Variants in SYT1 observed in about 807,000 individuals in gnomAD.
The protein encoded by SYT1 is synaptotagmin-1.
Under a neutral mutation model 44.8 loss-of-function variants are expected in SYT1, and 8 were observed. That is an observed-to-expected ratio of 0.18 (90% CI 0.10 to 0.32). SYT1 has a LOEUF of 0.32. Among genes scored for constraint, SYT1 ranks in the 10% least tolerant of loss-of-function variants. The probability of loss-of-function intolerance (pLI) is 1.00; values close to 1 mark genes in which losing one functional copy is unlikely to be tolerated. For missense variants in SYT1, 286 were observed against 509.3 expected, an observed-to-expected ratio of 0.56 and a Z score of 4.22; for synonymous variants, 154 against 188.8, an observed-to-expected ratio of 0.82 and a Z score of 1.51.
intron 5 of SYT1, 104 bp downstream of exon 5, chr12:79,286,075 T>C: frequency 7.6e-7 from 1 of 1,311,924 alleles, no homozygotes; most frequent in Non-Finnish European, 1.0e-6. Context: ...TCTGGACCCA[T>C]ATCGTTTTTG....
intron 1 of SYT1, among the ~76,000 whole-genome samples, chr12:78,921,597 G>C (rs528175663): frequency 5.9e-5 from 9 of 151,932 alleles, no homozygotes; most frequent in African/African-American, 2.2e-4. Context: ...TAATGCTCAG[G>C]GTGGATAGAA....
intron 2 of SYT1, among the ~76,000 whole-genome samples, chr12:79,005,586 T>G (rs1871022275): frequency 6.6e-6 from 1 of 152,084 alleles, no homozygotes; most frequent in Non-Finnish European, 1.5e-5. Context: ...GAAGTGATTT[T>G]ATTATTTTTG....
At chr12:79,238,622 G>C (rs975288784) in intron 4 of SYT1, among the ~76,000 whole-genome samples, 2 of 152,204 alleles carry the variant, frequency 1.3e-5, no homozygotes, top group African/African-American at 4.8e-5. Flanking sequence ...TTGGGTATGT[G>C]CTGCGGTAGT....
intron 3 of SYT1, among the ~76,000 whole-genome samples, chr12:79,064,287 C>T (rs1323410262): frequency 6.6e-6 from 1 of 152,006 alleles, no homozygotes; most frequent in Non-Finnish European, 1.5e-5. Context: ...GAAAGCCTGG[C>T]CCAAGATGTG....
chr12:79,438,539 C>A (rs909404754), intron 9 of SYT1, among the ~76,000 whole-genome samples: 2 of 152,244 alleles, frequency 1.3e-5, no homozygotes, highest in Admixed American at 1.3e-4. Flanking sequence ...TGGCACCAGG[C>A]CGCAGGTGTC....
chr12:79,407,492 T>C (rs908310165), intron 9 of SYT1, among the ~76,000 whole-genome samples: 1 of 152,070 alleles, frequency 6.6e-6, no homozygotes, highest in African/African-American at 2.4e-5. Flanking sequence ...AGGCATGAAG[T>C]CAAAGAAAAG....
intron 9 of SYT1, among the ~76,000 whole-genome samples, chr12:79,371,580 G>A (rs931859713): frequency 6.6e-6 from 1 of 152,086 alleles, no homozygotes; most frequent in Non-Finnish European, 1.5e-5. Flanking sequence ...TGTCCAGAAG[G>A]AATTTGTGTT....
At chr12:79,053,351 C>T (rs1415851819) in intron 3 of SYT1, among the ~76,000 whole-genome samples, 1 of 151,886 alleles carries the variant, frequency 6.6e-6, no homozygotes, top group South Asian at 2.1e-4. Flanking sequence ...ACACCGAGGA[C>T]TGTTGTGGGG....
intron 3 of SYT1, among the ~76,000 whole-genome samples, chr12:79,055,775 T>C (rs1005267968): frequency 6.6e-6 from 1 of 152,074 alleles, no homozygotes; most frequent in African/African-American, 2.4e-5. Flanking sequence ...ATTGTTGTTA[T>C]ATTTGTTATT....
intron 4 of SYT1, among the ~76,000 whole-genome samples, chr12:79,220,442 C>T (rs898456344): frequency 6.6e-6 from 1 of 151,670 alleles, no homozygotes; most frequent in Non-Finnish European, 1.5e-5. Flanking sequence ...TGTTTCCTTC[C>T]TTTACTAAAT....
intron 4 of SYT1, among the ~76,000 whole-genome samples, chr12:79,278,041 G>C (rs377293120): frequency 2.6e-5 from 4 of 151,964 alleles, no homozygotes; most frequent in Non-Finnish European, 5.9e-5. Flanking sequence ...TAAGAAAAGA[G>C]ATAGACAGCA....
At chr12:79,172,960 T>C (rs184101087) in intron 3 of SYT1, among the ~76,000 whole-genome samples, 104 of 93,868 alleles carry the variant, frequency 1.1e-3, no homozygotes, top group African/African-American at 4.4e-3. Flanking sequence ...TTACTAGAGT[T>C]CCTGCTCTCA....
chr12:79,179,716 G>A (rs914297412), intron 3 of SYT1, among the ~76,000 whole-genome samples: 1 of 151,512 alleles, frequency 6.6e-6, no homozygotes, highest in Non-Finnish European at 1.5e-5. Flanking sequence ...CACCATGCCT[G>A]GCTGAAAACA....
At chr12:78,929,833 T>G (rs1263640935) in intron 1 of SYT1, among the ~76,000 whole-genome samples, 1 of 152,214 alleles carries the variant, frequency 6.6e-6, no homozygotes, top group East Asian at 1.9e-4. Context: ...TTTGTATGTA[T>G]GATTTTATAC....
chr12:79,227,877 G>GA (rs750988120), intron 4 of SYT1, among the ~76,000 whole-genome samples: 3 of 152,038 alleles, frequency 2.0e-5, no homozygotes, highest in Non-Finnish European at 4.4e-5. Flanking sequence ...TTCTATTTTA[G>GA]AAAAACCCTC....
chr12:79,014,497 C>G (rs1387479769), intron 2 of SYT1, among the ~76,000 whole-genome samples: 1 of 152,000 alleles, frequency 6.6e-6, no homozygotes, highest in East Asian at 1.9e-4. Flanking sequence ...AAATGCAAAT[C>G]AAAACCACAA....
chr12:79,007,154 G>T (rs75152296), intron 2 of SYT1, among the ~76,000 whole-genome samples: 28 of 152,218 alleles, frequency 1.8e-4, no homozygotes, highest in African/African-American at 6.5e-4. Context: ...GCATAGAGGA[G>T]AAGCAAATCT....
intron 3 of SYT1, among the ~76,000 whole-genome samples, chr12:79,057,281 G>A (rs918550949): frequency 6.6e-6 from 1 of 151,794 alleles, no homozygotes; most frequent in Non-Finnish European, 1.5e-5. Context: ...GATTGTTTTT[G>A]TTTTCCATTT....
At chr12:79,347,333 C>G (rs1882654250) in intron 8 of SYT1, among the ~76,000 whole-genome samples, 1 of 152,098 alleles carries the variant, frequency 6.6e-6, no homozygotes, top group South Asian at 2.1e-4. Context: ...GATGCTCACC[C>G]AAGATGTAGG....
Sources: allele counts gnomAD v4.1 joint callset (sites outside exome capture counted in the v4.1 genomes callset), GRCh38; gene constraint gnomAD v4.1.1; transcripts MANE v1.5; gene names NCBI Gene and HGNC (gene_info 2026-07-23, HGNC 2026-07-21).